Variants in SEC14L1 observed in about 807,000 individuals in gnomAD.
SEC14L1 encodes SEC14-like protein 1.
A neutral mutation model predicts 85.3 loss-of-function variants in SEC14L1; 48 were observed. That is an observed-to-expected ratio of 0.56 (90% CI 0.45 to 0.72). The LOEUF (loss-of-function observed/expected upper bound fraction) is 0.72, where lower values mean the gene tolerates loss of function less well. Ranked by LOEUF, SEC14L1 falls within the 30% of genes least tolerant of loss-of-function variation. The pLI is 0.00. For synonymous variants in SEC14L1, 391 were observed against 355.5 expected (o/e 1.10, Z -1.12); for missense variants, 682 against 921.4 (o/e 0.74, Z 3.36).
chr17:77,102,907 T>TC (rs1055483643), intron 3 of SEC14L1, among the ~76,000 whole-genome samples: 22 of 152,114 alleles, frequency 1.4e-4, no homozygotes, highest in African/African-American at 3.9e-4. Context: ...GCTCGAGGGA[T>TC]CCCCCCTACT....
intron 13 of SEC14L1, among the ~76,000 whole-genome samples, chr17:77,207,379 C>T (rs919081454): frequency 3.3e-5 from 5 of 151,956 alleles, no homozygotes; most frequent in African/African-American, 1.2e-4. Flanking sequence ...TGTAGGCGTG[C>T]ACCACCATAC....
chr17:77,200,415 C>G, intron 8 of SEC14L1, 69 bp from the exon 9 acceptor site: 1 of 1,270,130 alleles, frequency 7.9e-7, no homozygotes. Flanking sequence ...GCGATCCGTC[C>G]ACCGCAGCCT....
At chr17:77,186,739 G>A (rs1164905602) in intron 3 of SEC14L1, among the ~76,000 whole-genome samples, 1 of 152,348 alleles carries the variant, frequency 6.6e-6, no homozygotes, top group South Asian at 2.1e-4. Flanking sequence ...TTTGTGATCT[G>A]TGTATTACTT....
intron 1 of SEC14L1, among the ~76,000 whole-genome samples, chr17:77,141,933 C>G (rs143279553): frequency 6.6e-5 from 10 of 152,192 alleles, no homozygotes; most frequent in Non-Finnish European, 1.5e-4. Flanking sequence ...GTAAGGTTTG[C>G]AAAAGAAAAA....
intron 3 of SEC14L1, among the ~76,000 whole-genome samples, chr17:77,149,087 C>A (rs549723794): frequency 6.6e-6 from 1 of 152,192 alleles, no homozygotes; most frequent in Non-Finnish European, 1.5e-5. Context: ...TCTTGTCCTT[C>A]CACACGTCCC....
chr17:77,125,557 A>G lies in SEC14L1; in HGVS notation c.-135-17089A>G, dbSNP rs539185775. Among the ~76,000 whole-genome samples the G allele has an allele frequency of 3.9e-5, 6 of 152,296 alleles. No individual in the cohort carries two copies. In the South Asian group the frequency reaches 1.2e-3, roughly 32 times the overall value. ...ATTAAGAATCATCCAGGTTATTTGT[A>G]CTTGCTATTTAAAGAATGCATGAGT... On this transcript the variant is annotated intron_variant, in intron 3 of 19. Coordinates refer to the SEC14L1 transcript ENST00000392476.
intron 3 of SEC14L1, among the ~76,000 whole-genome samples, chr17:77,104,818 T>G (rs565902830): frequency 7.4e-4 from 112 of 150,988 alleles, no homozygotes; most frequent in African/African-American, 2.7e-3. Flanking sequence ...GAAAGTTTTT[T>G]TTTGTGTGTG....
intron 3 of SEC14L1, among the ~76,000 whole-genome samples, chr17:77,126,956 C>T (rs1598260115): frequency 6.7e-6 from 1 of 149,846 alleles, no homozygotes; most frequent in Non-Finnish European, 1.5e-5. Context: ...ACAGGGATTT[C>T]TTTTTTTTCT....
At chr17:77,150,015 C>G (rs185059090) in intron 3 of SEC14L1, among the ~76,000 whole-genome samples, 1 of 152,272 alleles carries the variant, frequency 6.6e-6, no homozygotes, top group African/African-American at 2.4e-5. Flanking sequence ...AAATACTGCT[C>G]CTTGCGGAGC....
intron 9 of SEC14L1, among the ~76,000 whole-genome samples, chr17:77,201,321 G>A (rs938965237): frequency 4.6e-5 from 7 of 152,230 alleles, no homozygotes; most frequent in Admixed American, 1.3e-4. Context: ...CGAGAGGGAA[G>A]CACCGTAGAA....
rs114161301 is a variant in SEC14L1, at chr17:77,213,398, C to T, written c.1948C>T (p.Pro650Ser). 5.8e-4 allele frequency: 941 copies of T among 1,613,472 alleles called. 4 individuals are homozygous for T. In the African/African-American group the frequency reaches 0.012, roughly 20 times the overall value. ...SMPACAASSLPRVDDVLASLQ... is the reference protein window; with the variant it reads ...SMPACAASSLSRVDDVLASLQ... ...GCCTGCGTGCGCCGCCAGCAGCCTT[C>T]CCCGGGTGGACGACGTGCTTGCGTC... The change falls in exon 16 of 17, where the codon CCC (proline) becomes TCC (serine). Residue 650 changes from proline to serine, a missense_variant. Transcript: ENST00000436233. This position sits in a 1 kb window ranked among gnomAD's most constrained non-coding sequence, Gnocchi z 7.1.
chr17:77,194,997 G>C (rs545940674), intron 7 of SEC14L1, 86 bp downstream of exon 7: 1 of 954,266 alleles, frequency 1.0e-6, no homozygotes, highest in South Asian at 1.5e-5. Flanking sequence ...GCCTGTTCCC[G>C]CTTCCTTGGA....
chr17:77,142,245 G>A (rs1973088242), intron 1 of SEC14L1, among the ~76,000 whole-genome samples: 1 of 152,048 alleles, frequency 6.6e-6, no homozygotes, highest in Non-Finnish European at 1.5e-5. Flanking sequence ...ACATACCAGA[G>A]AAAGTTCCAA....
intron 5 of SEC14L1, among the ~76,000 whole-genome samples, chr17:77,192,949 A>G (rs943898521): frequency 2.0e-5 from 3 of 152,202 alleles, no homozygotes; most frequent in Admixed American, 6.5e-5. Context: ...GGTGTGAACC[A>G]TCATGCCTGA....
chr17:77,110,018 C>G (rs1972012850), intron 3 of SEC14L1, among the ~76,000 whole-genome samples: 1 of 152,206 alleles, frequency 6.6e-6, no homozygotes, highest in Non-Finnish European at 1.5e-5. Flanking sequence ...GCAAGCAACA[C>G]AATAGTTGGA....
chr17:77,128,599 C>T (rs926455947), intron 3 of SEC14L1, among the ~76,000 whole-genome samples: 10 of 151,728 alleles, frequency 6.6e-5, no homozygotes, highest in African/African-American at 2.4e-4. Flanking sequence ...GCTGGGATTA[C>T]AGGCACATGC....
chr17:77,205,323 A>G lies in SEC14L1; in HGVS notation c.1146A>G (p.Thr382=). The G allele has an allele frequency of 6.2e-7, 1 of 1,614,210 alleles. No homozygotes were observed. The highest frequency in any genetic ancestry group is 8.5e-7 in the Non-Finnish European group (1 of 1,180,008). The stretch of plus-strand genomic sequence containing the variant: ...GGCTAAGGCGATGCGAAGAGAATAC[A>G]AAAGTCTTTGGTCGGCCTATCAGGT... The part of the protein sequence containing the change: ...EEGLRRCEEN[T]KVFGRPISSW... Residue 382 remains threonine (T), a synonymous_variant, in exon 11 of 17, where the codon ACA becomes ACG. Transcript: ENST00000436233.
intron 3 of SEC14L1, among the ~76,000 whole-genome samples, chr17:77,131,871 A>G (rs893296033): frequency 1.3e-5 from 2 of 152,238 alleles, no homozygotes; most frequent in African/African-American, 4.8e-5. Context: ...GAAGACTCTT[A>G]GGTAGATAAA....
chr17:77,111,568 C>T (rs752841491), intron 3 of SEC14L1, among the ~76,000 whole-genome samples: 3 of 152,036 alleles, frequency 2.0e-5, no homozygotes, highest in Non-Finnish European at 2.9e-5. Flanking sequence ...GAGCCCACCT[C>T]TTGCATCAGT....
Sources: gnomAD v4.1 joint callset for allele counts (sites outside exome capture counted in the v4.1 genomes callset) on GRCh38, gnomAD v4.1.1 for gene constraint, Gnocchi (gnomAD v3.1) non-coding constraint, MANE v1.5 for transcripts, NCBI Gene and HGNC (gene_info 2026-07-23, HGNC 2026-07-21) for gene names.